SNTG1: variants seen among roughly 807,000 people sequenced by gnomAD.
SNTG1 encodes the protein gamma-1-syntrophin.
SNTG1 carries 39 observed loss-of-function variants against 74.7 expected under a neutral mutation model. The ratio of observed to expected loss-of-function variants is 0.52; its 90% CI spans 0.40 to 0.68. The LOEUF is 0.68. SNTG1 is among the 30% of genes least tolerant of loss of function. SNTG1 has a pLI of 0.00. For missense variants in SNTG1, 685 were observed against 609.5 expected (o/e 1.12, Z -1.30); for synonymous variants, 254 against 217.1 (o/e 1.17, Z -1.49).
chr8:50,413,269 G>A lies in SNTG1; in HGVS notation c.162+10925G>A, dbSNP rs561334759. On this transcript the variant is annotated intron_variant, in intron 4 of 18. Coordinates refer to ENST00000642720, the MANE Select transcript of SNTG1 (RefSeq NM_018967.5). ...TGGATGATAGATGCATAGAGGCATA[G>A]ATGGATGACAGATATAGACAGATGA... Among the ~76,000 whole-genome samples, 410 of 152,310 alleles carry A rather than the reference G, an allele frequency of 2.7e-3. 2 individuals are homozygous for A. The highest frequency in any genetic ancestry group is 9.3e-3 in the African/African-American group (388 of 41,574).
intron 12 of SNTG1, among the ~76,000 whole-genome samples, chr8:50,563,099 G>A (rs1186403283): frequency 6.6e-6 from 1 of 152,180 alleles, no homozygotes; most frequent in African/African-American, 2.4e-5. Context: ...AGACAAGACT[G>A]TTGAATTGTC....
intron 12 of SNTG1, among the ~76,000 whole-genome samples, chr8:50,587,766 C>T (rs545963214): frequency 6.8e-6 from 1 of 146,478 alleles, no homozygotes; most frequent in Admixed American, 6.9e-5. Context: ...CGGAGATTGC[C>T]AGCCTGGGGG....
At chr8:50,666,464 C>A (rs1346127769) in intron 15 of SNTG1, among the ~76,000 whole-genome samples, 1 of 152,070 alleles carries the variant, frequency 6.6e-6, no homozygotes, top group African/African-American at 2.4e-5. Context: ...AAGGTACACA[C>A]ACACTGAAGT....
At chr8:50,690,485 C>T (rs541598401) in intron 15 of SNTG1, among the ~76,000 whole-genome samples, 42 of 152,158 alleles carry the variant, frequency 2.8e-4, no homozygotes, top group Non-Finnish European at 5.7e-4. Flanking sequence ...ATCTTTATTT[C>T]TCCCTTCCTT....
At chr8:50,508,837 T>C (rs992519838) in intron 9 of SNTG1, among the ~76,000 whole-genome samples, 11 of 151,880 alleles carry the variant, frequency 7.2e-5, no homozygotes, top group Non-Finnish European at 1.5e-5. Flanking sequence ...TTCAGATAAG[T>C]AGATTGCAAA....
intron 1 of SNTG1, among the ~76,000 whole-genome samples, chr8:50,169,540 A>C (rs902691149): frequency 1.2e-4 from 18 of 152,226 alleles, no homozygotes; most frequent in African/African-American, 4.3e-4. Context: ...TGGGAAGGAC[A>C]TGGTGGCAAG....
At chr8:50,228,650 T>A (rs556242471) in intron 2 of SNTG1, among the ~76,000 whole-genome samples, 1 of 151,692 alleles carries the variant, frequency 6.6e-6, no homozygotes, top group South Asian at 2.1e-4. Context: ...AGGAAAAAAA[T>A]TACACTGACT....
chr8:50,082,817 A>G (rs989987219), intron 1 of SNTG1, among the ~76,000 whole-genome samples: 1 of 152,128 alleles, frequency 6.6e-6, no homozygotes, highest in Admixed American at 6.6e-5. Context: ...GACTCCCATC[A>G]ATCAGGGATA....
At chr8:50,485,299 T>C (rs1342728148) in intron 8 of SNTG1, among the ~76,000 whole-genome samples, 1 of 152,220 alleles carries the variant, frequency 6.6e-6, no homozygotes, top group Non-Finnish European at 1.5e-5. Flanking sequence ...GTCAGTATTA[T>C]TAGCACAGAG....
intron 15 of SNTG1, among the ~76,000 whole-genome samples, chr8:50,702,571 T>C (rs1430979138): frequency 6.6e-6 from 1 of 152,220 alleles, no homozygotes; most frequent in African/African-American, 2.4e-5. Context: ...ATGATACACT[T>C]ACATCCCTCC....
intron 12 of SNTG1, among the ~76,000 whole-genome samples, chr8:50,564,493 A>T (rs565259442): frequency 6.6e-6 from 1 of 152,120 alleles, no homozygotes; most frequent in African/African-American, 2.4e-5. Context: ...AAACTCATGT[A>T]TGGGCCAGAA....
intron 2 of SNTG1, among the ~76,000 whole-genome samples, chr8:50,303,627 T>G (rs1232596890): frequency 2.0e-5 from 3 of 152,048 alleles, no homozygotes; most frequent in Non-Finnish European, 4.4e-5. Flanking sequence ...GTAGGTGAAT[T>G]TACAATGCAT....
intron 2 of SNTG1, among the ~76,000 whole-genome samples, chr8:50,371,745 A>G (rs2092273723): frequency 6.6e-6 from 1 of 152,206 alleles, no homozygotes; most frequent in Admixed American, 6.5e-5. Flanking sequence ...TATAATTATT[A>G]CATCACATCT....
intron 2 of SNTG1, among the ~76,000 whole-genome samples, chr8:50,338,498 A>G (rs535832691): frequency 6.6e-6 from 1 of 152,348 alleles, no homozygotes; most frequent in Admixed American, 6.5e-5. Context: ...TAAACTAACT[A>G]TATTATGCTA....
intron 2 of SNTG1, among the ~76,000 whole-genome samples, chr8:50,347,547 T>G (rs994207343): frequency 2.6e-5 from 4 of 152,228 alleles, no homozygotes; most frequent in African/African-American, 9.6e-5. Context: ...TAGTTTTATC[T>G]TTCAAGTCCA....
chr8:50,591,820 C>T (rs917647869), intron 13 of SNTG1, among the ~76,000 whole-genome samples: 3 of 152,158 alleles, frequency 2.0e-5, no homozygotes, highest in Middle Eastern at 3.2e-3. Flanking sequence ...TCCAGAGGTC[C>T]CCTCCCTCCT....
At chr8:50,512,226 GA>G (rs1356821089) in intron 9 of SNTG1, among the ~76,000 whole-genome samples, 10 of 151,948 alleles carry the variant, frequency 6.6e-5, no homozygotes, top group East Asian at 1.9e-4. Context: ...TTTTCTTTAA[GA>G]ATGTTTAATA....
intron 1 of SNTG1, among the ~76,000 whole-genome samples, chr8:50,111,413 TTC>T (rs56179974): frequency 2.0e-5 from 3 of 151,092 alleles, no homozygotes; most frequent in Admixed American, 6.6e-5. Context: ...CTCTGTCTCT[TTC>T]TCTCTCTCTC....
At chr8:50,367,144 A>T (rs938008291) in intron 2 of SNTG1, among the ~76,000 whole-genome samples, 1 of 151,836 alleles carries the variant, frequency 6.6e-6, no homozygotes. Context: ...TTTGGAAAAC[A>T]TTCATTTATA....
Sources: allele counts gnomAD v4.1 joint callset (sites outside exome capture counted in the v4.1 genomes callset), GRCh38; gene constraint gnomAD v4.1.1; transcripts MANE v1.5; gene names NCBI Gene and HGNC (gene_info 2026-07-23, HGNC 2026-07-21).